RFXANK: variants seen among roughly 807,000 people sequenced by gnomAD.
RFXANK encodes the protein regulatory factor X associated ankyrin containing protein, also known as DNA-binding protein RFXANK.
A neutral mutation model predicts 34.5 loss-of-function variants in RFXANK; 19 were observed. That is an observed-to-expected ratio of 0.55 (90% CI 0.38 to 0.81). The LOEUF (loss-of-function observed/expected upper bound fraction) is 0.81. Ranked by LOEUF, RFXANK falls within the 30% of genes least tolerant of loss-of-function variation. RFXANK has a pLI of 0.00. For missense variants in RFXANK, 295 were observed against 343.5 expected (o/e 0.86, Z 1.12); for synonymous variants, 154 against 149.8 (o/e 1.03, Z -0.20).
At position 19,197,560 on chromosome 19, in the gene RFXANK, C is replaced by A; in HGVS notation, c.377C>A (p.Thr126Asn). The change falls in exon 6 of 10, where the codon ACC (threonine) becomes AAC (asparagine). Residue 126 changes from threonine (T) to asparagine (N), a missense_variant. Coordinates refer to ENST00000303088, the MANE Select transcript of RFXANK (RefSeq NM_003721.4). ...AACAAGCCAGACGAGCGCGGCTTCACCCCCCTCATCTGGGCCTCCGCCTTT... is the reference window on the plus strand; with the variant it reads ...AACAAGCCAGACGAGCGCGGCTTCAACCCCCTCATCTGGGCCTCCGCCTTT... ...LVNKPDERGF[T>N]PLIWASAFGE... 6.2e-7 allele frequency: 1 copy of A among 1,613,866 alleles called. No individual in the cohort carries two copies. The highest frequency in any genetic ancestry group is 1.1e-5 in the South Asian group (1 of 91,082).
At position 19,197,600 on chromosome 19, in the gene RFXANK, C is replaced by T. The variant is rs755182393; in HGVS notation, c.417C>T (p.Thr139=). 35 of 1,613,774 alleles carry T rather than the reference C, an allele frequency of 2.2e-5. No individual in the cohort carries two copies. Among genetic ancestry groups the T allele is most frequent in the Middle Eastern group, 3.3e-4 (2 of 6,062 alleles). ...CCTCCGCCTTTGGAGAGATTGAGACCGTTCGCTTCCTGCTGGAGTGGGTGC... is the reference window on the plus strand; with the variant it reads ...CCTCCGCCTTTGGAGAGATTGAGACTGTTCGCTTCCTGCTGGAGTGGGTGC... ...IWASAFGEIE[T]VRFLLEWGAD... is the part of the protein sequence containing the mutation. Residue 139 remains threonine (T), a synonymous_variant, in exon 6 of 10, where the codon ACC becomes ACT. Transcript: ENST00000303088.
In RFXANK at chr19:19,201,404, A is replaced by G. The variant is rs1457140614; in HGVS notation, c.713-245A>G. 9.3e-5 allele frequency: 128 copies of G among 1,373,376 alleles called. 1 individual carries two copies. Among genetic ancestry groups the G allele is most frequent in the Non-Finnish European group, 1.2e-4 (117 of 1,000,356 alleles). 85.1% of individuals were successfully genotyped at this position (1,373,376 alleles called of 1,614,324 possible). On this transcript the variant is annotated intron_variant, in intron 9 of 9. Transcript: ENST00000303088. ...CATCTTTTCATGAAAGTCACAATTC[A>G]CACATTTTGCTTGGTAGGAAATATT...
chr19:19,199,807 G>C (rs1252465446), intron 9 of RFXANK, among the ~76,000 whole-genome samples: 1 of 152,106 alleles, frequency 6.6e-6, no homozygotes, highest in African/African-American at 2.4e-5. Context: ...ACCCCAGTTT[G>C]ACTCCATTTT....
rs151053440 is a variant in RFXANK at position 19,198,197 on chromosome 19, C to G, written c.529C>G (p.Leu177Val). The part of the protein sequence containing the change: ...GGYTDIVGLL[L>V]ERDVDINIYD... ...CTACACAGACATTGTGGGGCTGCTG[C>G]TGGAGCGTGACGTGGACATCAACAT... The change falls in exon 7 of 10, where the codon CTG becomes GTG. Residue 177 changes from leucine to valine, a missense_variant. Physicochemically the swap from Leu to Val is conservative, Grantham distance 32. Coordinates refer to ENST00000303088, the MANE Select transcript of RFXANK (RefSeq NM_003721.4). 139 of 1,614,178 alleles carry G rather than the reference C, an allele frequency of 8.6e-5. 1 individual carries two copies. Among genetic ancestry groups the G allele is most frequent in the East Asian group, 2.2e-5 (1 of 44,882 alleles).
intron 9 of RFXANK, 76 bp from the exon 10 acceptor site, chr19:19,201,573 G>A (rs745685942): frequency 6.2e-7 from 1 of 1,610,602 alleles, no homozygotes; most frequent in South Asian, 1.1e-5. Flanking sequence ...CCTAAGGGGA[G>A]AGCGCAGGTT....
intron 3 of RFXANK, among the ~76,000 whole-genome samples, chr19:19,195,737 A>ATTTTTTTTTT (rs61553021): frequency 9.5e-6 from 1 of 105,688 alleles, no homozygotes; most frequent in Non-Finnish European, 1.9e-5. Flanking sequence ...CTGCTTTTAA[A>ATTTTTTTTTT]TTTTTTTTTT....
Position 19,199,251 on chromosome 19 carries a change from C to T in RFXANK, c.712+17C>T. 6.2e-7 allele frequency: 1 copy of T among 1,613,210 alleles called. No individual in the cohort carries two copies. The highest frequency in any genetic ancestry group is 1.3e-5 in the African/African-American group (1 of 75,024). ...ACCGGAAAGGTCAGCCTGAGACACACAGAGCAGGGGTGGGGTCCCTTCCAT... is the reference window on the plus strand; with the variant it reads ...ACCGGAAAGGTCAGCCTGAGACACATAGAGCAGGGGTGGGGTCCCTTCCAT... On this transcript the variant is annotated intron_variant, in intron 9 of 9. Coordinates refer to ENST00000303088, the MANE Select transcript of RFXANK (RefSeq NM_003721.4).
At chr19:19,194,206 G>A (rs1171347041) in intron 3 of RFXANK, 73 bp downstream of exon 3, 48 of 1,481,476 alleles carry the variant, frequency 3.2e-5, no homozygotes, top group Non-Finnish European at 4.5e-5. Context: ...CATGGAACCT[G>A]TGTCTTGCTT....
intron 5 of RFXANK, 108 bp from the exon 6 acceptor site, chr19:19,197,413 C>G: frequency 8.0e-7 from 1 of 1,252,884 alleles, no homozygotes; most frequent in Non-Finnish European, 1.1e-6. Context: ...ATACGCTCCC[C>G]CTCATTCCCC....
At chr19:19,198,594 C>A in intron 7 of RFXANK, 63 bp from the exon 8 acceptor site, 1 of 1,574,998 alleles carries the variant, frequency 6.3e-7, no homozygotes, top group Non-Finnish European at 8.7e-7. Flanking sequence ...CCAGAGAGTA[C>A]AAGGCATTTT....
At position 19,192,525 on chromosome 19, in the gene RFXANK, G is replaced by C. The variant is rs767667473; in HGVS notation, c.-179G>C. On this transcript the variant is annotated 5_prime_UTR_variant, in exon 1 of 10. Coordinates refer to ENST00000303088, the MANE Select transcript of RFXANK (RefSeq NM_003721.4). ...CTTATAAGCCTTTGAGACCGCAGAA[G>C]GGACCTTGTTGTGGAACGGGACGGC... 2 of 207,028 alleles carry C rather than the reference G, an allele frequency of 9.7e-6. No individual in the cohort carries two copies. Among genetic ancestry groups the C allele is most frequent in the Non-Finnish European group, 2.0e-5 (2 of 101,182 alleles). 12.8% of individuals were successfully genotyped at this position (207,028 alleles called of 1,614,324 possible).
chr19:19,197,734 T>C (rs2060627076), intron 6 of RFXANK, 113 bp downstream of exon 6: 2 of 970,070 alleles, frequency 2.1e-6, no homozygotes, highest in Non-Finnish European at 3.2e-6. Flanking sequence ...GCTGGCTGGG[T>C]GCAGTGGCTC....
At chr19:19,198,619 G>GGTA (rs1568581575) in intron 7 of RFXANK, 38 bp from the exon 8 acceptor site, 1 of 1,608,888 alleles carries the variant, frequency 6.2e-7, no homozygotes, top group Non-Finnish European at 8.5e-7. Context: ...ATGAGGAAGA[G>GGTA]GTAAACCTTT....
chr19:19,200,706 C>G (rs2060695139), intron 9 of RFXANK: 1 of 152,938 alleles, frequency 6.5e-6, no homozygotes, highest in African/African-American at 2.4e-5. Context: ...TCACTGCAAC[C>G]TCTGCCTCCC....
In RFXANK at chr19:19,196,973, C is replaced by T; in HGVS notation, c.198C>T (p.Ser66=). ...ASVSSPQAGS[S]LKHSTTLTNR... is the part of the protein sequence containing the mutation. ...TTGTCTGTTTCCCAGCAGGCAGCTC[C>T]CTGAAGCACTCCACCACTCTCACCA... Residue 66 remains serine (S), a synonymous_variant, in exon 4 of 10, where the codon TCC becomes TCT. Transcript: ENST00000303088. 6.2e-7 allele frequency: 1 copy of T among 1,612,400 alleles called. No homozygotes were observed. The highest frequency in any genetic ancestry group is 8.5e-7 in the Non-Finnish European group (1 of 1,179,948).
rs530831833 is a variant in RFXANK at position 19,193,464 on chromosome 19, G to C, written c.-9+364G>C. Among the ~76,000 whole-genome samples the C allele has an allele frequency of 9.7e-4, 125 of 129,232 alleles. 1 individual carries two copies. In the Middle Eastern group the frequency reaches 0.03, roughly 31 times the overall value. 84.8% of individuals were successfully genotyped at this position (129,232 alleles called of 152,430 possible). A position where few individuals can be genotyped will look rare whatever the true frequency, so the allele number is the denominator to read the frequency against. Reference sequence around the variant, plus strand: ...GACAGAGTCTTGCTCTGTCGCCCCAGCTACAGTGCAGTGGTGCGATCTCTG... The same window carrying C: ...GACAGAGTCTTGCTCTGTCGCCCCACCTACAGTGCAGTGGTGCGATCTCTG... On this transcript the variant is annotated intron_variant, in intron 2 of 9. Coordinates refer to ENST00000303088, the MANE Select transcript of RFXANK (RefSeq NM_003721.4).
In RFXANK at chr19:19,199,638, TGAAG is replaced by T. The variant is rs547363724; in HGVS notation, c.712+406_712+409del. On this transcript the variant is annotated intron_variant, in intron 9 of 9. Transcript: ENST00000303088. ...GGTCAGGGAAGGATTCTGGGGGACCTGAAGGGAGGGAGAATGGCATCCAGGTGGG... is the reference window on the plus strand; with the variant it reads ...GGTCAGGGAAGGATTCTGGGGGACCTGGAGGGAGAATGGCATCCAGGTGGG... 7.8e-4 allele frequency among the ~76,000 whole-genome samples: 118 copies of T among 151,816 alleles called. 1 individual carries two copies. The highest frequency in any genetic ancestry group is 3.5e-3 in the South Asian group (17 of 4,794).
In RFXANK at chr19:19,197,406, C is replaced by T. The variant is rs894689159; in HGVS notation, c.338-115C>T. 1.3e-5 allele frequency: 16 copies of T among 1,218,322 alleles called. No homozygotes were observed. In the Admixed American group the frequency reaches 1.4e-4, roughly 10 times the overall value. The allele number at this position is 1,218,322 out of a possible 1,614,324, so 75.5% of individuals were successfully genotyped here. A position where few individuals can be genotyped will look rare whatever the true frequency, so the allele number is the denominator to read the frequency against. On this transcript the variant is annotated intron_variant, in intron 5 of 9. Transcript: ENST00000303088. ...GTGTTCATGTATGTCCATCAACATA[C>T]GCTCCCCCTCATTCCCCTGTCTAAC...
At position 19,193,994 on chromosome 19, in the gene RFXANK, C is replaced by G. The variant is rs1445740527; in HGVS notation, c.48C>G (p.Thr16=). Residue 16 remains threonine, a synonymous_variant, in exon 3 of 10, where the codon ACC becomes ACG. Coordinates refer to ENST00000303088, the MANE Select transcript of RFXANK (RefSeq NM_003721.4). Reference sequence around the variant, plus strand: ...AAGACCTCATCCAGACCCAGCAGACCCCTGCCTCAGAACTTGGGGACCCTG... The same window carrying G: ...AAGACCTCATCCAGACCCAGCAGACGCCTGCCTCAGAACTTGGGGACCCTG... ...PAEDLIQTQQ[T]PASELGDPED... 1 of 1,614,238 alleles carries G rather than the reference C, an allele frequency of 6.2e-7. No individual in the cohort carries two copies. The highest frequency in any genetic ancestry group is 8.5e-7 in the Non-Finnish European group (1 of 1,180,050).
Sources: gnomAD v4.1 joint callset for allele counts (sites outside exome capture counted in the v4.1 genomes callset) on GRCh38, gnomAD v4.1.1 for gene constraint, MANE v1.5 for transcripts, NCBI Gene and HGNC (gene_info 2026-07-23, HGNC 2026-07-21) for gene names.